The following TYRO3 variants were observed in gnomAD, a reference collection of about 807,000 sequenced individuals.
TYRO3 encodes the protein tyrosine-protein kinase receptor TYRO3.
Under a neutral mutation model 95.2 loss-of-function variants are expected in TYRO3, and 38 were observed. The ratio of observed to expected loss-of-function variants is 0.40; its 90% CI spans 0.31 to 0.52. The LOEUF (loss-of-function observed/expected upper bound fraction) is 0.52. TYRO3 is among the 20% of genes least tolerant of loss of function. TYRO3 has a pLI of 0.56. For synonymous variants in TYRO3, 367 were observed against 432.9 expected, an observed-to-expected ratio of 0.85 and a Z score of 1.89; for missense variants, 812 against 1,116.4, an observed-to-expected ratio of 0.73 and a Z score of 3.89.
At chr15:41,560,393 A>ATATGTGTGTGTGTGTGTGTGTGTGTG (rs2055631822) in intron 1 of TYRO3, among the ~76,000 whole-genome samples, 2 of 120,448 alleles carry the variant, frequency 1.7e-5, no homozygotes, top group African/African-American at 6.4e-5. Context: ...AGGTGCGTGT[A>ATATGTGTGTGTGTGTGTGTGTGTGTG]TGTGTGTGTG....
Position 41,570,694 on chromosome 15 carries a change from G to T in TYRO3, c.1574G>T (p.Gly525Val). ...CAGTTCACCCTGGGCCGGATGTTGG[G>T]CAAAGGTATGTGAGGCTGTGTGGGG... ...EQQFTLGRML[G>V]KGEFGSVREA... The change falls in exon 12 of 19, where the codon GGC becomes GTC. Residue 525 changes from glycine (G) to valine (V), a missense_variant. Gly to Val is a moderately radical substitution (Grantham distance 109). Transcript: ENST00000263798. 9 of 1,614,108 alleles carry T rather than the reference G, an allele frequency of 5.6e-6. No individual in the cohort carries two copies. The highest frequency in any genetic ancestry group is 6.8e-6 in the Non-Finnish European group (8 of 1,179,962).
chr15:41,559,342 G>A lies in TYRO3; in HGVS notation c.85G>A (p.Ala29Thr). ...ACCGCGGCTCGGGCTGCTGCTGGCG[G>A]CTCTGGCTTCTCTGCTGCTCCCGGA... The part of the protein sequence containing the change: ...PPPRLGLLLA[A>T]LASLLLPESA... Residue 29 changes from alanine to threonine, a missense_variant, in exon 1 of 19, where the codon GCT becomes ACT. Transcript: ENST00000263798. The A allele has an allele frequency of 2.8e-6, 1 of 357,362 alleles. No individual in the cohort carries two copies. The highest frequency in any genetic ancestry group is 5.0e-6 in the Non-Finnish European group (1 of 200,356). 22.1% of individuals were successfully genotyped at this position (357,362 alleles called of 1,614,324 possible).
chr15:41,571,726 C>G (rs766416651), intron 14 of TYRO3, 39 bp downstream of exon 14: 2 of 891,784 alleles, frequency 2.2e-6, no homozygotes, highest in Non-Finnish European at 3.6e-6. Flanking sequence ...GAGAATAGGG[C>G]TAAAAATATG....
rs189271758 is a variant in TYRO3 at position 41,567,577 on chromosome 15, A to G, written c.961+40A>G. 1.1e-3 allele frequency: 1,522 copies of G among 1,411,276 alleles called. 1 individual carries two copies. The highest frequency in any genetic ancestry group is 3.0e-3 in the Admixed American group (113 of 37,704). 87.4% of individuals were successfully genotyped at this position (1,411,276 alleles called of 1,614,324 possible). ...GAGCAGAGCGGGTGGGCAGGGCTGG[A>G]GCCGGGAAGGGGGCCGTGTTGGCTG... On this transcript the variant is annotated intron_variant, in intron 7 of 18. Coordinates refer to ENST00000263798, the MANE Select transcript of TYRO3 (RefSeq NM_006293.4).
chr15:41,568,774 C>T (rs780725443), intron 8 of TYRO3, 104 bp from the exon 9 acceptor site: 5 of 1,382,192 alleles, frequency 3.6e-6, no homozygotes, highest in African/African-American at 1.4e-5. Flanking sequence ...CCACAGTGCC[C>T]CTATACTCCC....
At chr15:41,565,826 A>G (rs1050364969) in intron 6 of TYRO3, among the ~76,000 whole-genome samples, 1 of 152,154 alleles carries the variant, frequency 6.6e-6, no homozygotes, top group Non-Finnish European at 1.5e-5. Flanking sequence ...CAAAGAGAAC[A>G]AGATGACCAG....
rs1401544811 is a variant in TYRO3, at chr15:41,571,020, A to G, written c.1580-18A>G. 7.3e-7 allele frequency: 1 copy of G among 1,376,520 alleles called. No homozygotes were observed. Among genetic ancestry groups the G allele is most frequent in the South Asian group, 1.2e-5 (1 of 86,624 alleles). 85.3% of individuals were successfully genotyped at this position (1,376,520 alleles called of 1,614,324 possible). ...CAGAGAGCCAAGGAGACTCTCCCTTACTTGGATTGGTTCCTAGGAGAGTTT... is the reference window on the plus strand; with the variant it reads ...CAGAGAGCCAAGGAGACTCTCCCTTGCTTGGATTGGTTCCTAGGAGAGTTT... On this transcript the variant is annotated intron_variant, in intron 12 of 18. Transcript: ENST00000263798.
At chr15:41,567,316 T>G (rs2055736149) in intron 6 of TYRO3, 44 bp from the exon 7 acceptor site, 1 of 1,426,702 alleles carries the variant, frequency 7.0e-7, no homozygotes, top group African/African-American at 1.5e-5. Context: ...CTTCCATCTC[T>G]CACAGGCTCT....
chr15:41,578,218 A>G lies in TYRO3; in HGVS notation c.2615A>G (p.Asn872Ser). The G allele has an allele frequency of 2.5e-6, 4 of 1,613,770 alleles. No individual in the cohort carries two copies. The highest frequency in any genetic ancestry group is 3.4e-6 in the Non-Finnish European group (4 of 1,180,020). Residue 872 changes from asparagine (N) to serine (S), a missense_variant, in exon 19 of 19, where the codon AAT becomes AGT. Transcript: ENST00000263798. ...QAEHQPESPLNETQRLLLLQQ... is the reference protein window; with the variant it reads ...QAEHQPESPLSETQRLLLLQQ... Reference sequence around the variant, plus strand: ...GAGCACCAGCCAGAGAGTCCCCTCAATGAGACACAGAGGCTTTTGCTGCTG... The same window carrying G: ...GAGCACCAGCCAGAGAGTCCCCTCAGTGAGACACAGAGGCTTTTGCTGCTG...
intron 12 of TYRO3, 120 bp from the exon 13 acceptor site, chr15:41,570,918 G>C: frequency 1.7e-6 from 2 of 1,146,564 alleles, no homozygotes; most frequent in South Asian, 1.4e-5. Flanking sequence ...ACTGGCAAGG[G>C]TGCCTTCTCC....
In TYRO3 at chr15:41,582,669, G is replaced by C. The variant is rs2055933947; in HGVS notation, c.*4393G>C. 1.3e-5 allele frequency: 2 copies of C among 152,122 alleles called. No homozygotes were observed. Among genetic ancestry groups the C allele is most frequent in the African/African-American group, 4.8e-5 (2 of 41,410 alleles). 9.4% of individuals were successfully genotyped at this position (152,122 alleles called of 1,614,324 possible). A position where few individuals can be genotyped will look rare whatever the true frequency, so the allele number is the denominator to read the frequency against. ...GGCACTCCAGCCTGGACAAGAGTGAGACTCCATCTCAAAAAAGAAAATAAT... is the reference window on the plus strand; with the variant it reads ...GGCACTCCAGCCTGGACAAGAGTGACACTCCATCTCAAAAAAGAAAATAAT... On this transcript the variant is annotated 3_prime_UTR_variant, in exon 19 of 19. Transcript: ENST00000263798.
intron 3 of TYRO3, 51 bp downstream of exon 3, chr15:41,561,690 G>T: frequency 7.4e-7 from 1 of 1,360,096 alleles, no homozygotes; most frequent in Non-Finnish European, 1.0e-6. Context: ...CGTGCTGTCT[G>T]CTGGTGACTA....
rs757843925 is a variant in TYRO3, at chr15:41,568,229, C to T, written c.974C>T (p.Ala325Val). The T allele has an allele frequency of 1.4e-5, 22 of 1,612,252 alleles. No homozygotes were observed. In the South Asian group the frequency reaches 1.8e-4, roughly 13 times the overall value. Reference sequence around the variant, plus strand: ...TCTTTGGCTGCAGCCCCAGCCAGCGCTCCCCAAAACCTCCATGCCATCCGC... The same window carrying T: ...TCTTTGGCTGCAGCCCCAGCCAGCGTTCCCCAAAACCTCCATGCCATCCGC... ...FQTKGLAPAS[A>V]PQNLHAIRTD... Residue 325 changes from alanine (A) to valine (V), a missense_variant, in exon 8 of 19, where the codon GCT (alanine) becomes GTT (valine). Coordinates refer to ENST00000263798, the MANE Select transcript of TYRO3 (RefSeq NM_006293.4).
At chr15:41,562,829 C>G in intron 4 of TYRO3, 111 bp downstream of exon 4, 2 of 1,145,804 alleles carry the variant, frequency 1.7e-6, no homozygotes, top group South Asian at 1.5e-5. Context: ...CCAGAGCAAG[C>G]CCCAGTGTCT....
Position 41,578,071 on chromosome 15 carries a change from G to T in TYRO3, c.2468G>T (p.Gly823Val), listed in dbSNP as rs1462758430. 1 of 1,613,976 alleles carries T rather than the reference G, an allele frequency of 6.2e-7. No individual in the cohort carries two copies. Among genetic ancestry groups the T allele is most frequent in the Non-Finnish European group, 8.5e-7 (1 of 1,180,040 alleles). The stretch of plus-strand genomic sequence containing the variant: ...GCGGGAGGCAGCCTGGAGCTACCTG[G>T]CAGGGATCAGCCCTACAGTGGGGCT... ...PTAGGSLELP[G>V]RDQPYSGAGD... The change falls in exon 19 of 19, where the codon GGC (glycine) becomes GTC (valine). Residue 823 changes from glycine to valine, a missense_variant. By Grantham distance (109) the Gly-to-Val change is moderately radical. Coordinates refer to ENST00000263798, the MANE Select transcript of TYRO3 (RefSeq NM_006293.4).
intron 6 of TYRO3, among the ~76,000 whole-genome samples, chr15:41,566,715 T>G (rs1020603321): frequency 6.6e-6 from 1 of 152,220 alleles, no homozygotes; most frequent in Non-Finnish European, 1.5e-5. Context: ...TTCCAGTGCC[T>G]CCTCATTCTG....
chr15:41,560,984 A>G (rs1000495139), intron 1 of TYRO3, 143 bp from the exon 2 acceptor site: 1 of 1,006,814 alleles, frequency 9.9e-7, no homozygotes, highest in Non-Finnish European at 1.5e-6. Flanking sequence ...TCCCTTCCAC[A>G]CTGTCCTACC....
In TYRO3 at chr15:41,573,308, G is replaced by A. The variant is rs769937639; in HGVS notation, c.1986G>A (p.Met662Ile). 6 of 1,614,116 alleles carry A rather than the reference G, an allele frequency of 3.7e-6. No homozygotes were observed. The Admixed American group carries it at 1.0e-4, about 27-fold the overall frequency. Reference protein sequence around the residue: ...IHRDLAARNCMLAEDMTVCVA... With the variant: ...IHRDLAARNCILAEDMTVCVA... ...CTCTCTCCCTCAATGCCCCTTGTAG[G>A]CTGGCAGAGGACATGACAGTGTGTG... Residue 662 changes from methionine to isoleucine, a missense_variant and splice_region_variant, in exon 17 of 19, where the codon ATG becomes ATA. Coordinates refer to ENST00000263798, the MANE Select transcript of TYRO3 (RefSeq NM_006293.4).
intron 18 of TYRO3, 35 bp from the exon 19 acceptor site, chr15:41,577,851 G>A (rs1053197199): frequency 1.4e-6 from 2 of 1,383,312 alleles, no homozygotes; most frequent in African/African-American, 3.0e-5. Context: ...TGAGGGAAGG[G>A]CTCCTGCCTT....
Sources: gnomAD v4.1 joint callset for allele counts (sites outside exome capture counted in the v4.1 genomes callset) on GRCh38, gnomAD v4.1.1 for gene constraint, MANE v1.5 for transcripts, NCBI Gene and HGNC (gene_info 2026-07-23, HGNC 2026-07-21) for gene names.